MYRFL: variants seen among roughly 807,000 people sequenced by gnomAD.
MYRFL encodes myelin regulatory factor like.
MYRFL carries 88 observed loss-of-function variants against 109.4 expected under a neutral mutation model. The ratio of observed to expected loss-of-function variants is 0.80; its 90% CI spans 0.68 to 0.96. MYRFL has a LOEUF of 0.96. MYRFL is among the 40% of genes least tolerant of loss of function. The pLI, the probability that MYRFL is intolerant of heterozygous loss-of-function variation, is 0.00. For synonymous variants in MYRFL, 324 were observed against 320.9 expected (o/e 1.01, Z -0.10); for missense variants, 957 against 954.9 (o/e 1.00, Z -0.03).
At chr12:69,893,176 A>G (rs1887019208) in intron 7 of MYRFL, among the ~76,000 whole-genome samples, 1 of 152,242 alleles carries the variant, frequency 6.6e-6, no homozygotes, top group Admixed American at 6.5e-5. Flanking sequence ...AAGATTTGTT[A>G]CAATGTGAAT....
intron 13 of MYRFL, among the ~76,000 whole-genome samples, chr12:69,923,298 T>G (rs555486019): frequency 6.6e-6 from 1 of 152,318 alleles, no homozygotes; most frequent in South Asian, 2.1e-4. Context: ...TCTGGAAAAG[T>G]ACTCAAAATC....
At chr12:69,826,727 A>G (rs74101344) in intron 1 of MYRFL, among the ~76,000 whole-genome samples, 2,623 of 152,148 alleles carry the variant, frequency 0.017, 80 homozygotes, top group African/African-American at 0.06. Flanking sequence ...TTTTTCTTAC[A>G]TTATCTGTGA....
chr12:69,939,913 C>T (rs1229467216), intron 19 of MYRFL, among the ~76,000 whole-genome samples: 13 of 151,016 alleles, frequency 8.6e-5, no homozygotes, highest in African/African-American at 1.2e-4. Context: ...CCTCAGGAGC[C>T]GATGCGATCA....
intron 1 of MYRFL, among the ~76,000 whole-genome samples, chr12:69,842,069 A>C (rs1470938395): frequency 2.6e-5 from 4 of 152,164 alleles, no homozygotes; most frequent in Non-Finnish European, 5.9e-5. Flanking sequence ...TGACTATAGA[A>C]CCAGAATCCT....
At position 69,923,986 on chromosome 12, in the gene MYRFL, A is replaced by G. The variant is rs137909103; in HGVS notation, c.1603-2585A>G. The stretch of plus-strand genomic sequence containing the variant: ...GGGTGGATCACGAGGTCAGGAGATC[A>G]AGACCATCCTGGCTAACACAGTGAA... On this transcript the variant is annotated intron_variant, in intron 13 of 24. Transcript: ENST00000552032. Among the ~76,000 whole-genome samples the G allele has an allele frequency of 5.1e-3, 781 of 152,160 alleles. 11 individuals are homozygous for G. The highest frequency in any genetic ancestry group is 0.018 in the African/African-American group (747 of 41,520).
chr12:69,926,462 G>A, intron 13 of MYRFL, 109 bp from the exon 14 acceptor site: 2 of 911,818 alleles, frequency 2.2e-6, no homozygotes, highest in Non-Finnish European at 2.9e-6. Context: ...GTGTGTGTCT[G>A]TAACCATTTT....
intron 1 of MYRFL, among the ~76,000 whole-genome samples, chr12:69,849,592 C>T (rs1883762129): frequency 2.0e-5 from 3 of 152,338 alleles, no homozygotes; most frequent in African/African-American, 7.2e-5. Context: ...GTTTTAACAG[C>T]ATGATCCTTG....
intron 13 of MYRFL, among the ~76,000 whole-genome samples, chr12:69,920,458 G>T (rs778440129): frequency 2.0e-5 from 3 of 152,092 alleles, no homozygotes; most frequent in Non-Finnish European, 4.4e-5. Flanking sequence ...TCAGTGCCTC[G>T]TGCCATGAAC....
chr12:69,932,693 T>G, intron 16 of MYRFL, 95 bp downstream of exon 16: 1 of 920,040 alleles, frequency 1.1e-6, no homozygotes, highest in Non-Finnish European at 1.7e-6. Context: ...CCTGTTTACT[T>G]TGAAGACAAG....
intron 21 of MYRFL, among the ~76,000 whole-genome samples, chr12:69,953,403 G>A (rs1355118143): frequency 6.6e-6 from 1 of 152,178 alleles, no homozygotes; most frequent in Non-Finnish European, 1.5e-5. Context: ...CTGTATCAAG[G>A]TAATGATACT....
At chr12:69,898,844 A>G (rs1954088243) in intron 10 of MYRFL, among the ~76,000 whole-genome samples, 1 of 152,220 alleles carries the variant, frequency 6.6e-6, no homozygotes, top group South Asian at 2.1e-4. Context: ...GTACAAGTCC[A>G]CACAACAGCA....
At chr12:69,928,322 A>T (rs968462438) in intron 15 of MYRFL, among the ~76,000 whole-genome samples, 9 of 152,238 alleles carry the variant, frequency 5.9e-5, no homozygotes, top group Admixed American at 5.9e-4. Flanking sequence ...CCATCACGAG[A>T]AATATCAGTA....
chr12:69,868,886 T>A (rs1469534987), intron 2 of MYRFL, among the ~76,000 whole-genome samples: 1 of 151,462 alleles, frequency 6.6e-6, no homozygotes, highest in Admixed American at 6.6e-5. Context: ...ACACATGCAC[T>A]CACACACACG....
intron 21 of MYRFL, among the ~76,000 whole-genome samples, chr12:69,953,895 C>G (rs1344081892): frequency 6.6e-6 from 1 of 152,042 alleles, no homozygotes; most frequent in East Asian, 1.9e-4. Flanking sequence ...GTCACAAATC[C>G]TGTGGGTTTT....
At chr12:69,891,600 T>TCTTTCTTTCCTCCTTC (rs1886828416) in intron 7 of MYRFL, among the ~76,000 whole-genome samples, 3 of 134,714 alleles carry the variant, frequency 2.2e-5, no homozygotes, top group Non-Finnish European at 4.7e-5. Flanking sequence ...TTTCTTTCTT[T>TCTTTCTTTCCTCCTTC]CTTTCTCTTT....
chr12:69,931,486 T>C (rs1351021584), intron 15 of MYRFL, among the ~76,000 whole-genome samples: 1 of 152,172 alleles, frequency 6.6e-6, no homozygotes, highest in East Asian at 1.9e-4. Flanking sequence ...TATGTTACAT[T>C]GAAGAACATT....
intron 2 of MYRFL, among the ~76,000 whole-genome samples, chr12:69,863,175 C>T (rs1326770656): frequency 2.0e-5 from 3 of 152,046 alleles, no homozygotes; most frequent in Non-Finnish European, 4.4e-5. Context: ...AGGATTTTTG[C>T]ATCAGTGTTC....
At chr12:69,835,733 C>G (rs1882896298) in intron 1 of MYRFL, among the ~76,000 whole-genome samples, 1 of 152,136 alleles carries the variant, frequency 6.6e-6, no homozygotes, top group Non-Finnish European at 1.5e-5. Flanking sequence ...AAGAGGTTCC[C>G]TTGTCCCCCT....
intron 19 of MYRFL, among the ~76,000 whole-genome samples, chr12:69,939,968 T>C (rs1464754608): frequency 6.6e-6 from 1 of 151,796 alleles, no homozygotes; most frequent in Non-Finnish European, 1.5e-5. Flanking sequence ...ATGGATGAAA[T>C]GAATGAAATG....
Sources: gnomAD v4.1 joint callset for allele counts (sites outside exome capture counted in the v4.1 genomes callset) on GRCh38, gnomAD v4.1.1 for gene constraint, MANE v1.5 for transcripts, NCBI Gene and HGNC (gene_info 2026-07-23, HGNC 2026-07-21) for gene names.